Variants in STYXL1 observed in about 807,000 individuals in gnomAD.
The protein encoded by STYXL1 is serine/threonine/tyrosine interacting like 1.
STYXL1 carries 32 observed loss-of-function variants against 36.4 expected under a neutral mutation model. The observed-to-expected ratio is 0.88, with a 90% CI of 0.66 to 1.18. STYXL1 has a LOEUF of 1.18. Among genes scored for constraint, STYXL1 ranks in the 50% most tolerant of loss-of-function variants. The pLI, the probability that STYXL1 is intolerant of heterozygous loss-of-function variation, is 0.00. For missense variants in STYXL1, 354 were observed against 394.1 expected (o/e 0.90, Z 0.86); for synonymous variants, 133 against 144.1 (o/e 0.92, Z 0.55).
At chr7:76,020,897 C>G (rs1350005975) in intron 4 of STYXL1, among the ~76,000 whole-genome samples, 1 of 152,036 alleles carries the variant, frequency 6.6e-6, no homozygotes, top group East Asian at 1.9e-4. Context: ...GCATGGCACA[C>G]ATGGAACTGT....
chr7:76,000,010 G>A (rs1363619932), intron 8 of STYXL1, among the ~76,000 whole-genome samples: 1 of 151,654 alleles, frequency 6.6e-6, no homozygotes, highest in Non-Finnish European at 1.5e-5. Context: ...GGCCAAGATG[G>A]TGAAACCCTG....
At chr7:76,014,137 G>A (rs975366509) in intron 4 of STYXL1, among the ~76,000 whole-genome samples, 4 of 151,080 alleles carry the variant, frequency 2.6e-5, no homozygotes, top group African/African-American at 7.3e-5. Flanking sequence ...CACCATGCCT[G>A]GCTAATTTTT....
rs1176945886 is a variant in STYXL1 at position 76,005,419 on chromosome 7, G to A, written c.454-15C>T. ...GCATCCAGTTCCTGAAGTGTGGAGGGAGAAAGGCAGCTATGAGCATATTCC... is the reference window on the plus strand; with the variant it reads ...GCATCCAGTTCCTGAAGTGTGGAGGAAGAAAGGCAGCTATGAGCATATTCC... On this transcript the variant is annotated splice_polypyrimidine_tract_variant and intron_variant, in intron 5 of 8. Transcript: ENST00000359697. The A allele has an allele frequency of 3.1e-6, 5 of 1,589,426 alleles. No homozygotes were observed. In the African/African-American group the frequency reaches 6.7e-5, roughly 21 times the overall value.
At chr7:76,027,244 AG>A (rs1794819200) in intron 3 of STYXL1, among the ~76,000 whole-genome samples, 1 of 151,778 alleles carries the variant, frequency 6.6e-6, no homozygotes, top group Non-Finnish European at 1.5e-5. Context: ...GTTTCGCTGC[AG>A]TAGGGGACAT....
At chr7:76,004,982 CAG>C (rs1791478783) in intron 6 of STYXL1, among the ~76,000 whole-genome samples, 2 of 152,062 alleles carry the variant, frequency 1.3e-5, no homozygotes, top group South Asian at 4.1e-4. Flanking sequence ...GTCTGGGTGA[CAG>C]AGTGAGACTC....
intron 1 of STYXL1, among the ~76,000 whole-genome samples, chr7:76,041,119 T>G (rs191925806): frequency 2.0e-5 from 3 of 151,118 alleles, no homozygotes; most frequent in African/African-American, 7.3e-5. Flanking sequence ...GGAGAATCAC[T>G]TGAGGCCAGG....
intron 1 of STYXL1, among the ~76,000 whole-genome samples, chr7:76,031,559 A>G (rs1795339557): frequency 6.6e-6 from 1 of 151,358 alleles, no homozygotes. Flanking sequence ...TACTAAAAAT[A>G]CAAAAATTAC....
At chr7:76,023,781 C>T (rs1458944950) in intron 3 of STYXL1, among the ~76,000 whole-genome samples, 1 of 151,808 alleles carries the variant, frequency 6.6e-6, no homozygotes, top group Non-Finnish European at 1.5e-5. Context: ...TTTGGGAGGC[C>T]AAGGTGGGCG....
intron 5 of STYXL1, among the ~76,000 whole-genome samples, chr7:76,010,437 G>C (rs1460069655): frequency 6.8e-6 from 1 of 147,488 alleles, no homozygotes; most frequent in Non-Finnish European, 1.5e-5. Context: ...GTGGGCATGC[G>C]GGGCAGGGGA....
chr7:76,027,785 C>T (rs925159665), intron 3 of STYXL1, among the ~76,000 whole-genome samples: 2 of 152,108 alleles, frequency 1.3e-5, no homozygotes, highest in Non-Finnish European at 2.9e-5. Context: ...GGGTCTGGAA[C>T]AATACCTGGC....
At chr7:76,006,803 C>A (rs6966109) in intron 5 of STYXL1, among the ~76,000 whole-genome samples, 143,760 of 150,562 alleles carry the variant, frequency 0.95, 68,744 homozygotes, top group South Asian at 1. Flanking sequence ...ACAACAACAA[C>A]AAAAAACTTT....
rs1459243338 is a variant in STYXL1 at position 76,005,240 on chromosome 7, G to C, written c.599+19C>G. On this transcript the variant is annotated intron_variant, in intron 6 of 8. Transcript: ENST00000359697. ...AAAAAATAAAATGAAATATAAATCAGTAGTTTCTCTTTACTTACAAGGGCC... is the reference window on the plus strand; with the variant it reads ...AAAAAATAAAATGAAATATAAATCACTAGTTTCTCTTTACTTACAAGGGCC... The C allele has an allele frequency of 1.5e-6, 2 of 1,342,466 alleles. No individual in the cohort carries two copies. Among genetic ancestry groups the C allele is most frequent in the Non-Finnish European group, 2.0e-6 (2 of 1,022,018 alleles). 83.2% of individuals were successfully genotyped at this position (1,342,466 alleles called of 1,614,324 possible). A position where few individuals can be genotyped will look rare whatever the true frequency, so the allele number is the denominator to read the frequency against.
chr7:76,012,789 C>T (rs4476928), intron 5 of STYXL1, among the ~76,000 whole-genome samples: 2 of 152,152 alleles, frequency 1.3e-5, no homozygotes, highest in South Asian at 4.1e-4. Context: ...GCCTTGGCCT[C>T]CCCAAGTGCT....
chr7:76,012,670 T>C (rs1432474019), intron 5 of STYXL1, among the ~76,000 whole-genome samples: 2 of 152,140 alleles, frequency 1.3e-5, no homozygotes, highest in East Asian at 1.9e-4. Context: ...GCTGGGATTA[T>C]AGGCGTGAGC....
At chr7:76,018,368 T>G (rs1403008018) in intron 4 of STYXL1, among the ~76,000 whole-genome samples, 1 of 152,198 alleles carries the variant, frequency 6.6e-6, no homozygotes, top group Non-Finnish European at 1.5e-5. Flanking sequence ...AGTGTTCATC[T>G]ACATTATAGC....
chr7:76,040,826 AAAAAAAAGAAAAAAG>A (rs1455840339), intron 1 of STYXL1, among the ~76,000 whole-genome samples: 1 of 151,844 alleles, frequency 6.6e-6, no homozygotes, highest in East Asian at 1.9e-4. Flanking sequence ...ACACAGCTAA[AAAAAAAAGAAAAAAG>A]AAAAAAGAAA....
chr7:76,046,277 TGTGTGTGTGTGTGTGTGTGTGTGTGTGTG>T (rs538019445), intron 1 of STYXL1, among the ~76,000 whole-genome samples: 3 of 17,956 alleles, frequency 1.7e-4, no homozygotes, highest in African/African-American at 3.4e-4. Context: ...TTATCTGCTG[TGTGTGTGTGTGTGTGTGTGTGTGTGTGTG>T]TGTGTGTGTG....
chr7:76,009,568 A>G (rs1792296000), intron 5 of STYXL1, among the ~76,000 whole-genome samples: 1 of 151,920 alleles, frequency 6.6e-6, no homozygotes. Flanking sequence ...GTGCCACCAC[A>G]CCCAGCTAAT....
At chr7:76,015,172 C>T (rs1793125483) in intron 4 of STYXL1, among the ~76,000 whole-genome samples, 1 of 152,142 alleles carries the variant, frequency 6.6e-6, no homozygotes, top group African/African-American at 2.4e-5. Context: ...ATCACCTGAG[C>T]CAGGGAGGTT....
Sources: gnomAD v4.1 joint callset for allele counts (sites outside exome capture counted in the v4.1 genomes callset) on GRCh38, gnomAD v4.1.1 for gene constraint, MANE v1.5 for transcripts, NCBI Gene and HGNC (gene_info 2026-07-23, HGNC 2026-07-21) for gene names.